FBXW10B: variants seen among roughly 807,000 people sequenced by gnomAD.
FBXW10B encodes the protein F-box and WD repeat domain containing protein 10B.
At chr17:15,616,592 C>T in the FBXW10B span, among the ~76,000 whole-genome samples, 1 of 151,902 alleles carries the variant, frequency 6.6e-6, no homozygotes, top group Non-Finnish European at 1.5e-5. Context: ...ATCACAAGGT[C>T]AGGAGATGGA....
chr17:15,598,707 T>A, the FBXW10B span: 1 of 1,597,860 alleles, frequency 6.3e-7, no homozygotes, highest in African/African-American at 1.4e-5. Flanking sequence ...CAAAGGATCA[T>A]ACTGCGTAGA....
the FBXW10B span, among the ~76,000 whole-genome samples, chr17:15,597,480 A>AAT: frequency 6.6e-6 from 1 of 151,330 alleles, no homozygotes; most frequent in African/African-American, 2.4e-5. Flanking sequence ...AAAAAAAAAA[A>AAT]AAATTAGCTG....
chr17:15,574,066 C>CA, the FBXW10B span: 1 of 694,578 alleles, frequency 1.4e-6, no homozygotes, highest in Admixed American at 2.3e-5. Flanking sequence ...AGGAATGTCT[C>CA]GTCTTCTTCA....
chr17:15,593,489 C>A, the FBXW10B span: 7 of 1,614,180 alleles, frequency 4.3e-6, no homozygotes, highest in Non-Finnish European at 5.9e-6. Context: ...ACACGTCGAG[C>A]ACCTCTCTGG....
chr17:15,594,343 G>T, the FBXW10B span, among the ~76,000 whole-genome samples: 2 of 151,524 alleles, frequency 1.3e-5, no homozygotes, highest in Admixed American at 1.3e-4. Flanking sequence ...GTGGTGGTGG[G>T]CGCCTGTAGT....
chr17:15,605,585 C>G, the FBXW10B span: 1 of 928,402 alleles, frequency 1.1e-6, no homozygotes, highest in African/African-American at 1.8e-5. Flanking sequence ...TTAACAGGCT[C>G]TGAGGGATCC....
At chr17:15,619,415 A>G in the FBXW10B span, 23 of 1,613,886 alleles carry the variant, frequency 1.4e-5, no homozygotes, top group African/African-American at 1.6e-4. Context: ...CCAGGCTAAG[A>G]CACGCGTCTC....
the FBXW10B span, among the ~76,000 whole-genome samples, chr17:15,599,189 A>AG: frequency 1.4e-5 from 2 of 147,454 alleles, no homozygotes; most frequent in Admixed American, 1.4e-4. Flanking sequence ...AAAAAAAAAA[A>AG]AGAGTATTTA....
At chr17:15,571,662 G>A in the FBXW10B span, 1 of 152,180 alleles carries the variant, frequency 6.6e-6, no homozygotes, top group Non-Finnish European at 1.5e-5. Flanking sequence ...CCATTCCTGT[G>A]TATGTATGGA....
the FBXW10B span, chr17:15,613,514 A>C: frequency 5.4e-5 from 49 of 915,008 alleles, no homozygotes; most frequent in African/African-American, 9.3e-4. Context: ...GTAGAGGAGG[A>C]GGCCAGCTAA....
chr17:15,592,832 C>T, the FBXW10B span, among the ~76,000 whole-genome samples: 26 of 151,788 alleles, frequency 1.7e-4, no homozygotes, highest in East Asian at 5.8e-4. Flanking sequence ...AGGCCGGGCG[C>T]GGTGGCTCAC....
the FBXW10B span, among the ~76,000 whole-genome samples, chr17:15,611,892 T>C: frequency 6.6e-6 from 1 of 152,184 alleles, no homozygotes; most frequent in African/African-American, 2.4e-5. Context: ...AGGGCTATAT[T>C]TAATTAACTT....
the FBXW10B span, among the ~76,000 whole-genome samples, chr17:15,567,539 A>G: frequency 3.9e-5 from 6 of 152,270 alleles, no homozygotes; most frequent in South Asian, 1.2e-3. Context: ...ATTGATGGAC[A>G]TTAAGTTTGT....
chr17:15,612,842 A>G, the FBXW10B span: 1 of 1,603,654 alleles, frequency 6.2e-7, no homozygotes, highest in South Asian at 1.1e-5. Flanking sequence ...ACAAAAAAAA[A>G]CCAAAAATAA....
the FBXW10B span, among the ~76,000 whole-genome samples, chr17:15,582,269 T>A: frequency 1.3e-5 from 2 of 149,008 alleles, no homozygotes. Context: ...GTGTTTGAGA[T>A]CTCTGAGATT....
chr17:15,618,967 T>C, the FBXW10B span: 6 of 1,596,586 alleles, frequency 3.8e-6, no homozygotes, highest in Non-Finnish European at 5.1e-6. Context: ...TGCCTTCTGG[T>C]CTTCGGGGGC....
At chr17:15,579,888 G>A in the FBXW10B span, among the ~76,000 whole-genome samples, 1 of 151,890 alleles carries the variant, frequency 6.6e-6, no homozygotes, top group Non-Finnish European at 1.5e-5. Flanking sequence ...AGGGGCTGAT[G>A]TTTAGTAAAC....
chr17:15,595,765 G>A, the FBXW10B span, among the ~76,000 whole-genome samples: 1 of 152,064 alleles, frequency 6.6e-6, no homozygotes, highest in Non-Finnish European at 1.5e-5. Flanking sequence ...GCAAGAATAT[G>A]TTTCATGACC....
the FBXW10B span, among the ~76,000 whole-genome samples, chr17:15,577,761 G>A: frequency 2.0e-5 from 3 of 152,128 alleles, no homozygotes; most frequent in East Asian, 1.9e-4. Flanking sequence ...ATACCATAGC[G>A]TTCTCTCTTT....
Sources: allele counts gnomAD v4.1 joint callset (sites outside exome capture counted in the v4.1 genomes callset), GRCh38; gene constraint gnomAD v4.1.1; transcripts MANE v1.5; gene names NCBI Gene and HGNC (gene_info 2026-07-23, HGNC 2026-07-21).